The following REXO5 variants were observed in gnomAD, a reference collection of about 807,000 sequenced individuals.
REXO5 encodes exonuclease NEF-sp.
REXO5 carries 48 observed loss-of-function variants against 88.5 expected under a neutral mutation model. The observed-to-expected ratio is 0.54, with a 90% CI of 0.43 to 0.69. The LOEUF (loss-of-function observed/expected upper bound fraction) is 0.69. Ranked by LOEUF, REXO5 falls within the 30% of genes least tolerant of loss-of-function variation. REXO5 has a pLI of 0.00. For synonymous variants in REXO5, 311 were observed against 336.5 expected (o/e 0.92, Z 0.83); for missense variants, 749 against 912.2 (o/e 0.82, Z 2.30).
At chr16:20,832,130 A>G (rs2081354169) in intron 11 of REXO5, 26 bp from the exon 12 acceptor site, 1 of 1,475,700 alleles carries the variant, frequency 6.8e-7, no homozygotes, top group South Asian at 1.2e-5. Context: ...AAGCAATTAT[A>G]TTTTTACCAC....
chr16:20,820,859 T>C (rs868054016), intron 5 of REXO5, among the ~76,000 whole-genome samples: 7 of 151,774 alleles, frequency 4.6e-5, no homozygotes, highest in South Asian at 4.2e-4. Context: ...CCACTGTACC[T>C]AGCCCAGTTC....
chr16:20,806,557 A>G lies in REXO5; in HGVS notation c.-151A>G. ...TGGCAGCTGTGGCTAAGGAGGGGAG[A>G]ACCTCTGCTCCCCGCCCGTCTTCTC... is the stretch of plus-strand genomic sequence containing the variant. On this transcript the variant is annotated 5_prime_UTR_variant, in exon 1 of 20. Coordinates refer to ENST00000261377, the MANE Select transcript of REXO5 (RefSeq NM_030941.3). 2 of 1,500,348 alleles carry G rather than the reference A, an allele frequency of 1.3e-6. No homozygotes were observed. Among genetic ancestry groups the G allele is most frequent in the Non-Finnish European group, 1.8e-6 (2 of 1,124,294 alleles). The allele number at this position is 1,500,348 out of a possible 1,614,324, so 92.9% of individuals were successfully genotyped here.
chr16:20,827,564 A>T, intron 10 of REXO5, 117 bp downstream of exon 10: 1 of 736,322 alleles, frequency 1.4e-6, no homozygotes, highest in Non-Finnish European at 2.2e-6. Flanking sequence ...TGCTTTAAAC[A>T]TGTTTTTTTG....
Position 20,832,143 on chromosome 16 carries a change from T to C in REXO5, c.1159-13T>C, listed in dbSNP as rs777852663. ...GCAAGCAATTATATTTTTACCACTT[T>C]GTTTTCTTCAAGATTGCAGAACTAA... On this transcript the variant is annotated splice_polypyrimidine_tract_variant and intron_variant, in intron 11 of 19. Transcript: ENST00000261377. The C allele has an allele frequency of 5.8e-6, 9 of 1,547,962 alleles. No individual in the cohort carries two copies. The highest frequency in any genetic ancestry group is 6.2e-6 in the Non-Finnish European group (7 of 1,129,158).
chr16:20,834,503 A>C (rs1801987093), intron 13 of REXO5, among the ~76,000 whole-genome samples: 1 of 152,038 alleles, frequency 6.6e-6, no homozygotes, highest in South Asian at 2.1e-4. Context: ...TATCATTTTT[A>C]TCAAATTAGA....
chr16:20,816,017 G>C, intron 4 of REXO5, 99 bp from the exon 5 acceptor site: 3 of 899,680 alleles, frequency 3.3e-6, no homozygotes, highest in South Asian at 3.1e-5. Flanking sequence ...TTACTGTCTA[G>C]AACTTTCAAA....
chr16:20,820,528 ATATATATATATATATATTTTTTTTTTT>A (rs2081157451), intron 5 of REXO5, among the ~76,000 whole-genome samples: 1 of 6,694 alleles, frequency 1.5e-4, no homozygotes, highest in African/African-American at 6.2e-4. Context: ...ATATATATAT[ATATATATATATATATATTTTTTTTTTT>A]TTTTTTTTTT....
At chr16:20,826,035 G>T in intron 8 of REXO5, 87 bp downstream of exon 8, 2 of 835,904 alleles carry the variant, frequency 2.4e-6, no homozygotes, top group Non-Finnish European at 3.9e-6. Flanking sequence ...CTTCAGTTTA[G>T]TTAGGTTTTA....
At chr16:20,820,308 T>A (rs909274640) in intron 5 of REXO5, among the ~76,000 whole-genome samples, 1 of 151,784 alleles carries the variant, frequency 6.6e-6, no homozygotes, top group African/African-American at 2.4e-5. Context: ...CTCTTCTACT[T>A]ATGATACTTT....
chr16:20,811,062 G>A (rs1184760658), intron 2 of REXO5, among the ~76,000 whole-genome samples: 2 of 152,036 alleles, frequency 1.3e-5, no homozygotes, highest in Non-Finnish European at 2.9e-5. Context: ...TATGGGTGAC[G>A]TCCTTGTGCT....
At position 20,827,258 on chromosome 16, in the gene REXO5, T is replaced by C. The variant is rs972376085; in HGVS notation, c.960+62T>C. ...AAATGCCTGTTCCATTTATCTCAAA[T>C]CTAAAGTCTTGGGCTCTTCTCTCCC... On this transcript the variant is annotated intron_variant, in intron 9 of 19. Coordinates refer to ENST00000261377, the MANE Select transcript of REXO5 (RefSeq NM_030941.3). 3.1e-6 allele frequency: 5 copies of C among 1,609,078 alleles called. No homozygotes were observed. The African/African-American group carries it at 6.7e-5, about 22-fold the overall frequency.
chr16:20,827,465 C>T lies in REXO5; in HGVS notation c.1055+18C>T. The T allele has an allele frequency of 6.4e-7, 1 of 1,568,212 alleles. No individual in the cohort carries two copies. The highest frequency in any genetic ancestry group is 1.1e-5 in the South Asian group (1 of 89,608). ...ATTTTGGGGTAGGTTTGCTTATATG[C>T]TGTAATATTGTTCTGACAAACTGCA... is the stretch of plus-strand genomic sequence containing the variant. On this transcript the variant is annotated intron_variant, in intron 10 of 19. Transcript: ENST00000261377.
intron 18 of REXO5, 33 bp downstream of exon 18, chr16:20,845,274 C>T (rs1471959647): frequency 6.3e-7 from 1 of 1,582,306 alleles, no homozygotes. Flanking sequence ...GAGAAGATGT[C>T]AGGAGAGTCC....
intron 4 of REXO5, among the ~76,000 whole-genome samples, chr16:20,815,449 G>A (rs914981081): frequency 9.2e-5 from 14 of 152,060 alleles, no homozygotes; most frequent in African/African-American, 1.9e-4. Context: ...CCATTTTCCC[G>A]TAGCCTCTTC....
intron 3 of REXO5, among the ~76,000 whole-genome samples, chr16:20,814,658 C>T (rs1306540868): frequency 1.3e-5 from 2 of 152,176 alleles, no homozygotes; most frequent in Non-Finnish European, 1.5e-5. Context: ...TCCAAACAAA[C>T]CTTAATAGGA....
intron 6 of REXO5, among the ~76,000 whole-genome samples, chr16:20,822,125 C>T (rs771702344): frequency 8.5e-5 from 13 of 152,148 alleles, no homozygotes; most frequent in Non-Finnish European, 1.8e-4. Context: ...ATGAATGTGA[C>T]ATTAAATAGC....
intron 11 of REXO5, 143 bp from the exon 12 acceptor site, chr16:20,832,013 G>A: frequency 1.7e-6 from 1 of 591,574 alleles, no homozygotes; most frequent in Non-Finnish European, 3.0e-6. Flanking sequence ...CTGTGGCAAT[G>A]GCAAAGCCAC....
intron 8 of REXO5, 103 bp from the exon 9 acceptor site, chr16:20,826,955 T>C: frequency 8.8e-7 from 1 of 1,135,692 alleles, no homozygotes; most frequent in Non-Finnish European, 1.2e-6. Flanking sequence ...TAAGCATATA[T>C]ATATTAACAG....
At chr16:20,844,929 T>G (rs533418709) in intron 17 of REXO5, 84 bp downstream of exon 17, 2 of 1,540,950 alleles carry the variant, frequency 1.3e-6, no homozygotes, top group Non-Finnish European at 1.8e-6. Context: ...AAGATTCACC[T>G]CCTGGGCTGG....
Sources: gnomAD v4.1 joint callset for allele counts (sites outside exome capture counted in the v4.1 genomes callset) on GRCh38, gnomAD v4.1.1 for gene constraint, MANE v1.5 for transcripts, NCBI Gene and HGNC (gene_info 2026-07-23, HGNC 2026-07-21) for gene names.